Variants in SEMA3A observed in about 807,000 individuals in gnomAD.
SEMA3A encodes semaphorin 3A.
SEMA3A carries 29 observed loss-of-function variants against 97.9 expected under a neutral mutation model. The ratio of observed to expected loss-of-function variants is 0.30; its 90% confidence interval spans 0.22 to 0.40. The LOEUF (loss-of-function observed/expected upper bound fraction) is 0.40. SEMA3A is among the 10% of genes least tolerant of loss of function. The pLI is 1.00. For missense variants in SEMA3A, 763 were observed against 951.3 expected, an observed-to-expected ratio of 0.80 and a Z score of 2.60; for synonymous variants, 321 against 323.7, an observed-to-expected ratio of 0.99 and a Z score of 0.09.
intron 2 of SEMA3A, among the ~76,000 whole-genome samples, chr7:84,324,553 A>T (rs1451652995): frequency 6.6e-6 from 1 of 152,214 alleles, no homozygotes; most frequent in Admixed American, 6.5e-5. Context: ...TGGCTGATAG[A>T]TAGCAAAATG....
intron 1 of SEMA3A, among the ~76,000 whole-genome samples, chr7:84,160,235 AT>A (rs1562821920): frequency 1.1e-4 from 3 of 26,300 alleles, no homozygotes; most frequent in African/African-American, 2.2e-4. Context: ...CTATCTATCT[AT>A]CTATCTATCT....
chr7:84,135,469 G>T (rs1796098084), intron 1 of SEMA3A, among the ~76,000 whole-genome samples: 1 of 152,048 alleles, frequency 6.6e-6, no homozygotes, highest in Non-Finnish European at 1.5e-5. Flanking sequence ...TTAATATGGT[G>T]CAGTCCTAAA....
chr7:84,071,210 A>T lies in SEMA3A; in HGVS notation c.454-10652T>A, dbSNP rs185143038. Among the ~76,000 whole-genome samples the T allele has an allele frequency of 2.0e-5, 3 of 152,260 alleles. No individual in the cohort carries two copies. The East Asian group carries it at 5.8e-4, about 29-fold the overall frequency. ...CATTTCAAGATGTCAATAGTCACAT[A>T]TGGCTAGTGGCTTCCATAATGGATA... On this transcript the variant is annotated intron_variant, in intron 4 of 16. Coordinates refer to ENST00000265362, the MANE Select transcript of SEMA3A (RefSeq NM_006080.3).
At chr7:84,102,491 C>T (rs1367468164) in intron 4 of SEMA3A, among the ~76,000 whole-genome samples, 1 of 151,108 alleles carries the variant, frequency 6.6e-6, no homozygotes, top group African/African-American at 2.4e-5. Flanking sequence ...AAGCCTGGAG[C>T]AGCAGAGAGC....
At chr7:84,404,863 C>G (rs2116226915) in intron 1 of SEMA3A, among the ~76,000 whole-genome samples, 1 of 152,164 alleles carries the variant, frequency 6.6e-6, no homozygotes, top group South Asian at 2.1e-4. Flanking sequence ...TTGTCACCAC[C>G]AGGCCTGCCC....
chr7:84,480,847 T>C lies in SEMA3A; in HGVS notation c.-246+11613A>G, dbSNP rs75454799. On this transcript the variant is annotated intron_variant, in intron 1 of 3. Coordinates refer to the SEMA3A transcript ENST00000424555. ...AGCAGTGAGTATTAAATAGGATGAG[T>C]GTTTTGACTTAGGAATTAGTGGGAA... Among the ~76,000 whole-genome samples the C allele has an allele frequency of 1.2e-4, 19 of 152,204 alleles. No homozygotes were observed. The East Asian group carries it at 3.7e-3, about 29-fold the overall frequency.
At chr7:83,980,186 A>G (rs1385306594) in intron 14 of SEMA3A, among the ~76,000 whole-genome samples, 2 of 152,172 alleles carry the variant, frequency 1.3e-5, no homozygotes, top group African/African-American at 4.8e-5. Flanking sequence ...AGTGAGTAGT[A>G]AAGGATATGT....
intron 3 of SEMA3A, among the ~76,000 whole-genome samples, chr7:84,261,985 C>G (rs1486221449): frequency 6.6e-6 from 1 of 152,194 alleles, no homozygotes; most frequent in Non-Finnish European, 1.5e-5. Flanking sequence ...TTTAGCAGAT[C>G]TGCAGGACCC....
At chr7:84,465,116 T>G (rs1378912042) in intron 1 of SEMA3A, among the ~76,000 whole-genome samples, 1 of 152,192 alleles carries the variant, frequency 6.6e-6, no homozygotes, top group Non-Finnish European at 1.5e-5. Context: ...TAAATGTGTC[T>G]GGATTTCATG....
chr7:84,478,202 T>TA (rs983254070), intron 1 of SEMA3A, among the ~76,000 whole-genome samples: 3 of 152,174 alleles, frequency 2.0e-5, no homozygotes, highest in African/African-American at 7.2e-5. Context: ...CTGGCAAAGC[T>TA]AAAAATAATC....
intron 3 of SEMA3A, among the ~76,000 whole-genome samples, chr7:84,249,412 TATCTATC>T (rs1799555087): frequency 1.3e-5 from 2 of 151,188 alleles, no homozygotes; most frequent in South Asian, 2.1e-4. Flanking sequence ...TCTATCTATC[TATCTATC>T]ATCTACATAT....
rs1222440433 is a variant in SEMA3A at position 83,961,502 on chromosome 7, C to A, written c.2185G>T (p.Asp729Tyr). The A allele has an allele frequency of 3.1e-6, 5 of 1,613,894 alleles. No individual in the cohort carries two copies. In the Admixed American group the frequency reaches 6.7e-5, roughly 22 times the overall value. Residue 729 changes from aspartate (D) to tyrosine (Y), a missense_variant, in exon 17 of 17, where the codon GAC becomes TAC. Transcript: ENST00000265362. ...DEFCEQVWKR[D>Y]RKQRRQRPGH... Reference sequence around the variant, plus strand: ...GGCCTTTGCCGACGTTGTTTTCGGTCCCTTTTCCAAACTTGTTCACAGAAC... The same window carrying A: ...GGCCTTTGCCGACGTTGTTTTCGGTACCTTTTCCAAACTTGTTCACAGAAC...
intron 15 of SEMA3A, among the ~76,000 whole-genome samples, chr7:83,975,454 A>G (rs1361782100): frequency 6.6e-6 from 1 of 152,160 alleles, no homozygotes; most frequent in Non-Finnish European, 1.5e-5. Context: ...ACAATGTATG[A>G]CATAAGGTAT....
At chr7:84,110,266 C>T (rs2301891) in intron 4 of SEMA3A, among the ~76,000 whole-genome samples, 1 of 151,940 alleles carries the variant, frequency 6.6e-6, no homozygotes, top group Non-Finnish European at 1.5e-5. Context: ...TTCTTCCTTC[C>T]TTCCTCCTGC....
intron 1 of SEMA3A, among the ~76,000 whole-genome samples, chr7:84,425,322 AAATATAAATAT>A (rs1804774032): frequency 1.9e-5 from 2 of 107,986 alleles, no homozygotes; most frequent in Non-Finnish European, 3.3e-5. Flanking sequence ...ATAATGATAT[AAATATAAATAT>A]AATATATTGA....
chr7:84,095,376 T>C (rs1406525240), intron 4 of SEMA3A, among the ~76,000 whole-genome samples: 3 of 142,546 alleles, frequency 2.1e-5, no homozygotes, highest in African/African-American at 7.7e-5. Flanking sequence ...TATATATATA[T>C]ATATATATAT....
chr7:84,383,119 T>C (rs1734000), intron 1 of SEMA3A, among the ~76,000 whole-genome samples: 69,698 of 151,890 alleles, frequency 0.46, 17,656 homozygotes, highest in East Asian at 0.79. Context: ...AAAAAAGAAA[T>C]AACAAAGAAA....
intron 1 of SEMA3A, among the ~76,000 whole-genome samples, chr7:84,477,073 A>T (rs868280612): frequency 0.011 from 1,578 of 140,550 alleles, 21 homozygotes; most frequent in Middle Eastern, 0.029. Flanking sequence ...AAAAAAAAAA[A>T]ATATATATAT....
intron 1 of SEMA3A, among the ~76,000 whole-genome samples, chr7:84,436,946 A>G (rs548497581): frequency 2.0e-5 from 3 of 152,250 alleles, no homozygotes; most frequent in African/African-American, 7.2e-5. Flanking sequence ...AAGTGTTTTC[A>G]TTCACCTTCC....
Sources: allele counts gnomAD v4.1 joint callset (sites outside exome capture counted in the v4.1 genomes callset), GRCh38; gene constraint gnomAD v4.1.1; transcripts MANE v1.5; gene names NCBI Gene and HGNC (gene_info 2026-07-23, HGNC 2026-07-21).